Variants in PDLIM5 observed in about 807,000 individuals in gnomAD.
PDLIM5 encodes PDZ and LIM domain protein 5.
Under a neutral mutation model 64.2 loss-of-function variants are expected in PDLIM5, and 34 were observed. The observed-to-expected ratio is 0.53, with a 90% confidence interval of 0.40 to 0.71. PDLIM5 has a LOEUF of 0.71. Ranked by LOEUF, PDLIM5 falls within the 30% of genes least tolerant of loss-of-function variation. The pLI is 0.00. For synonymous variants in PDLIM5, 253 were observed against 269.1 expected (o/e 0.94, Z 0.59); for missense variants, 683 against 733.6 (o/e 0.93, Z 0.80).
At chr4:94,618,544 G>A (rs1738970733) in intron 8 of PDLIM5, among the ~76,000 whole-genome samples, 1 of 152,144 alleles carries the variant, frequency 6.6e-6, no homozygotes, top group Non-Finnish European at 1.5e-5. Context: ...TTGATGATAT[G>A]TACAAATAAC....
chr4:94,619,383 G>C lies in PDLIM5; in HGVS notation c.1108+1192G>C, dbSNP rs562732620. On this transcript the variant is annotated intron_variant, in intron 8 of 12. Transcript: ENST00000317968. Reference sequence around the variant, plus strand: ...TTTTTTTCCACGGTGGCTCACGCCTGTAATCCCAGCACTTTGGGAGGCCGA... The same window carrying C: ...TTTTTTTCCACGGTGGCTCACGCCTCTAATCCCAGCACTTTGGGAGGCCGA... 2.1e-5 allele frequency among the ~76,000 whole-genome samples: 3 copies of C among 144,938 alleles called. No homozygotes were observed. The South Asian group carries it at 6.5e-4, about 31-fold the overall frequency.
chr4:94,570,010 C>T (rs1734675319), intron 3 of PDLIM5, among the ~76,000 whole-genome samples: 1 of 151,912 alleles, frequency 6.6e-6, no homozygotes, highest in African/African-American at 2.4e-5. Flanking sequence ...CTTCTCAAAC[C>T]CTAATAAACC....
Position 94,459,675 on chromosome 4 carries a change from C to T in PDLIM5, c.96+4291C>T, listed in dbSNP as rs537859392. Among the ~76,000 whole-genome samples the T allele has an allele frequency of 2.0e-5, 3 of 152,274 alleles. No homozygotes were observed. In the East Asian group the frequency reaches 5.8e-4, roughly 29 times the overall value. On this transcript the variant is annotated intron_variant, in intron 2 of 12. Transcript: ENST00000317968. ...AACTAGACAGTGTCGTAAGACCTGT[C>T]ACAAGTCAATATTCTATGAAATGAC...
intron 5 of PDLIM5, chr4:94,579,216 G>A (rs1026933027): frequency 1.0e-5 from 2 of 198,334 alleles, no homozygotes; most frequent in African/African-American, 2.3e-5. Context: ...ATAGCTGGCT[G>A]TTTTCTTTAC....
chr4:94,488,115 A>T (rs1025102717), intron 2 of PDLIM5, among the ~76,000 whole-genome samples: 3 of 152,204 alleles, frequency 2.0e-5, no homozygotes, highest in Non-Finnish European at 2.9e-5. Context: ...ATCTTTCACT[A>T]CAGGCATTTG....
intron 3 of PDLIM5, among the ~76,000 whole-genome samples, chr4:94,543,016 A>G (rs1578341712): frequency 6.6e-6 from 1 of 152,220 alleles, no homozygotes; most frequent in Non-Finnish European, 1.5e-5. Context: ...AGCCCCTCAT[A>G]TATTTTCATT....
chr4:94,570,646 GT>G (rs1393159707), intron 3 of PDLIM5, among the ~76,000 whole-genome samples: 3 of 152,174 alleles, frequency 2.0e-5, no homozygotes, highest in Non-Finnish European at 4.4e-5. Context: ...TGAGGAAACT[GT>G]TTAGAAAGAC....
In PDLIM5 at chr4:94,573,372, T is replaced by C. The variant is rs753722883; in HGVS notation, c.270T>C (p.Pro90=). 8.1e-6 allele frequency: 13 copies of C among 1,612,942 alleles called. No homozygotes were observed. The highest frequency in any genetic ancestry group is 3.3e-5 in the South Asian group (3 of 91,038). ...TCAGAGCATCTGCTGCACCCAAGCC[T>C]GAGCCGGTTCCTGTTCAAAAGGTGT... is the stretch of plus-strand genomic sequence containing the variant. ...TLQRASAAPK[P]EPVPVQKGEP... Residue 90 remains proline, a synonymous_variant, in exon 4 of 13, where the codon CCT becomes CCC. Coordinates refer to ENST00000317968, the MANE Select transcript of PDLIM5 (RefSeq NM_006457.5).
intron 2 of PDLIM5, chr4:94,457,099 C>G (rs1723442364): frequency 1.2e-6 from 1 of 854,390 alleles, no homozygotes; most frequent in African/African-American, 1.8e-5. Flanking sequence ...TACTCTGCAT[C>G]TTGTATGTGT....
intron 2 of PDLIM5, among the ~76,000 whole-genome samples, chr4:94,520,912 A>G (rs1729774321): frequency 6.6e-6 from 1 of 152,238 alleles, no homozygotes; most frequent in South Asian, 2.1e-4. Flanking sequence ...GTTGATGGGC[A>G]TTTGTTTCCA....
chr4:94,612,942 T>G (rs1206813208), intron 7 of PDLIM5, among the ~76,000 whole-genome samples: 1 of 150,872 alleles, frequency 6.6e-6, no homozygotes, highest in East Asian at 1.9e-4. Context: ...TATATTTCCA[T>G]TATAATATAT....
At chr4:94,553,009 T>C (rs1732948025) in intron 3 of PDLIM5, among the ~76,000 whole-genome samples, 1 of 152,190 alleles carries the variant, frequency 6.6e-6, no homozygotes, top group Non-Finnish European at 1.5e-5. Flanking sequence ...GTTTCTTTTT[T>C]TGCCCCTCCC....
intron 3 of PDLIM5, among the ~76,000 whole-genome samples, chr4:94,571,517 G>T (rs1260521806): frequency 1.3e-5 from 2 of 152,132 alleles, no homozygotes; most frequent in East Asian, 3.9e-4. Context: ...CCGTTGCCAA[G>T]ATCTCTCTCT....
chr4:94,541,383 A>C (rs1268623130), intron 3 of PDLIM5, among the ~76,000 whole-genome samples: 1 of 152,230 alleles, frequency 6.6e-6, no homozygotes, highest in Admixed American at 6.5e-5. Flanking sequence ...TATGTTTTAA[A>C]CTGAGTATTG....
At chr4:94,639,864 C>T (rs1257642110) in intron 8 of PDLIM5, among the ~76,000 whole-genome samples, 1 of 151,996 alleles carries the variant, frequency 6.6e-6, no homozygotes, top group African/African-American at 2.4e-5. Flanking sequence ...CCCGTCTCTA[C>T]TAAAAATACA....
At chr4:94,478,255 CAAAA>C (rs1156675410) in intron 2 of PDLIM5, among the ~76,000 whole-genome samples, 46 of 74,466 alleles carry the variant, frequency 6.2e-4, no homozygotes, top group African/African-American at 1.3e-3. Context: ...GACTCCGTCT[CAAAA>C]AAAAAAAAAA....
chr4:94,556,299 C>A (rs1024699775), intron 3 of PDLIM5, among the ~76,000 whole-genome samples: 2 of 152,106 alleles, frequency 1.3e-5, no homozygotes, highest in Non-Finnish European at 2.9e-5. Context: ...TTAATCTAGC[C>A]TATCATTGAT....
intron 8 of PDLIM5, among the ~76,000 whole-genome samples, chr4:94,637,518 C>T (rs935436146): frequency 2.6e-5 from 4 of 152,078 alleles, no homozygotes; most frequent in South Asian, 2.1e-4. Flanking sequence ...GAGATCGTGC[C>T]GTTGCACTCC....
chr4:94,521,573 A>G (rs1729829853), intron 2 of PDLIM5, among the ~76,000 whole-genome samples: 1 of 151,280 alleles, frequency 6.6e-6, no homozygotes, highest in Non-Finnish European at 1.5e-5. Context: ...ATTCTAAGAA[A>G]TTGATTTTGA....
Sources: gnomAD v4.1 joint callset for allele counts (sites outside exome capture counted in the v4.1 genomes callset) on GRCh38, gnomAD v4.1.1 for gene constraint, MANE v1.5 for transcripts, NCBI Gene and HGNC (gene_info 2026-07-23, HGNC 2026-07-21) for gene names.